The following GLI2 variants were observed in gnomAD, a reference collection of about 807,000 sequenced individuals.
The protein encoded by GLI2 is GLI family zinc finger 2.
A neutral mutation model predicts 78.9 loss-of-function variants in GLI2; 22 were observed. That is an observed-to-expected ratio of 0.28 (90% confidence interval 0.20 to 0.40). The LOEUF is 0.40. Ranked by LOEUF, GLI2 falls within the 10% of genes least tolerant of loss-of-function variation. The pLI is 1.00. For synonymous variants in GLI2, 974 were observed against 963.7 expected, an observed-to-expected ratio of 1.01 and a Z score of -0.20; for missense variants, 2,097 against 2,213.2, an observed-to-expected ratio of 0.95 and a Z score of 1.05.
chr2:120,936,717 G>A (rs909695630), intron 3 of GLI2, among the ~76,000 whole-genome samples: 7 of 152,206 alleles, frequency 4.6e-5, no homozygotes, highest in Admixed American at 3.3e-4. Context: ...GGCCTTTGAG[G>A]TGGGGAGTCC....
chr2:120,799,703 T>C (rs1181673852), intron 2 of GLI2, among the ~76,000 whole-genome samples: 3 of 152,176 alleles, frequency 2.0e-5, no homozygotes, highest in Non-Finnish European at 4.4e-5. Context: ...GTCTTTATGA[T>C]CTTGGAACTT....
At chr2:120,750,342 C>T (rs1682825955) in intron 1 of GLI2, among the ~76,000 whole-genome samples, 1 of 152,258 alleles carries the variant, frequency 6.6e-6, no homozygotes, top group Non-Finnish European at 1.5e-5. Flanking sequence ...CCAGTGCTCC[C>T]CCGAGGGGGA....
intron 2 of GLI2, among the ~76,000 whole-genome samples, chr2:120,847,960 C>G (rs1033785740): frequency 1.3e-5 from 2 of 152,110 alleles, no homozygotes; most frequent in African/African-American, 4.8e-5. Flanking sequence ...CATGGTACTT[C>G]TTGTTTATCT....
chr2:120,848,067 G>T (rs966495570), intron 2 of GLI2, among the ~76,000 whole-genome samples: 5 of 152,232 alleles, frequency 3.3e-5, no homozygotes, highest in African/African-American at 1.2e-4. Context: ...TGGGAAGAGG[G>T]AGAAGGCATG....
At chr2:120,894,455 TCA>T (rs1677840338) in intron 2 of GLI2, among the ~76,000 whole-genome samples, 1 of 152,186 alleles carries the variant, frequency 6.6e-6, no homozygotes, top group African/African-American at 2.4e-5. Flanking sequence ...TCTCCAGTGC[TCA>T]GAGTGCCTGC....
intron 1 of GLI2, among the ~76,000 whole-genome samples, chr2:120,769,044 A>G (rs892582004): frequency 6.6e-6 from 1 of 152,172 alleles, no homozygotes; most frequent in Non-Finnish European, 1.5e-5. Flanking sequence ...TCAGTGATGA[A>G]GACTTGACAA....
chr2:120,781,179 C>A (rs1033140657), intron 1 of GLI2, among the ~76,000 whole-genome samples: 1 of 152,194 alleles, frequency 6.6e-6, no homozygotes, highest in African/African-American at 2.4e-5. Context: ...GCAGTTGCTG[C>A]CTGGCCTGGC....
chr2:120,965,075 A>G (rs1183234306), intron 5 of GLI2, among the ~76,000 whole-genome samples: 2 of 152,274 alleles, frequency 1.3e-5, no homozygotes, highest in Non-Finnish European at 2.9e-5. Context: ...CATTATTTGC[A>G]TAAGAATTCA....
intron 1 of GLI2, among the ~76,000 whole-genome samples, chr2:120,789,811 G>A (rs1219881220): frequency 1.3e-5 from 2 of 152,334 alleles, no homozygotes; most frequent in African/African-American, 2.4e-5. Flanking sequence ...CAGCACTGCC[G>A]TATCTTAGCT....
intron 1 of GLI2, among the ~76,000 whole-genome samples, chr2:120,749,512 G>A (rs1174087129): frequency 6.6e-6 from 1 of 152,204 alleles, no homozygotes; most frequent in Non-Finnish European, 1.5e-5. Context: ...TTGGAAAGTT[G>A]GTGAGATAAG....
chr2:120,982,915 T>C, intron 11 of GLI2, 35 bp downstream of exon 11: 3 of 1,604,882 alleles, frequency 1.9e-6, no homozygotes, highest in Non-Finnish European at 1.7e-6. Flanking sequence ...GCATGCACAC[T>C]GGGGCCCCAC....
chr2:120,927,751 C>T (rs529416187), intron 3 of GLI2, among the ~76,000 whole-genome samples: 1 of 152,306 alleles, frequency 6.6e-6, no homozygotes, highest in South Asian at 2.1e-4. Context: ...CTTTCTTCAT[C>T]CATGAAGTGG....
At chr2:120,802,207 T>A (rs1163241705) in intron 2 of GLI2, among the ~76,000 whole-genome samples, 1 of 152,180 alleles carries the variant, frequency 6.6e-6, no homozygotes, top group Non-Finnish European at 1.5e-5. Context: ...GGGCTGGGTG[T>A]TTCCACTTAG....
intron 5 of GLI2, among the ~76,000 whole-genome samples, chr2:120,967,818 G>A (rs1348271481): frequency 2.0e-5 from 3 of 152,236 alleles, no homozygotes; most frequent in African/African-American, 4.8e-5. Context: ...ACCTCAGTAC[G>A]CAGAAGCACC....
intron 1 of GLI2, among the ~76,000 whole-genome samples, chr2:120,766,186 T>C (rs981793973): frequency 6.6e-6 from 1 of 152,226 alleles, no homozygotes; most frequent in African/African-American, 2.4e-5. Context: ...GCTGACCCTC[T>C]GTGACCTCGC....
intron 6 of GLI2, among the ~76,000 whole-genome samples, chr2:120,969,453 G>T (rs1439398791): frequency 6.6e-6 from 1 of 152,242 alleles, no homozygotes; most frequent in Non-Finnish European, 1.5e-5. Context: ...TCCGGAAGAG[G>T]CCAGGAGGAG....
At chr2:120,968,984 G>T in intron 6 of GLI2, 69 bp downstream of exon 6, 1 of 1,225,380 alleles carries the variant, frequency 8.2e-7, no homozygotes, top group Admixed American at 1.8e-5. Flanking sequence ...GGAGGCGCTG[G>T]CTTTTCAGTG....
rs1339067635 is a variant in GLI2, at chr2:120,924,745, G to A, written c.149-2616G>A. On this transcript the variant is annotated intron_variant, in intron 2 of 13. Coordinates refer to ENST00000361492, the MANE Select transcript of GLI2 (RefSeq NM_001374353.1). Reference sequence around the variant, plus strand: ...GTGCTTGGCCCCCCACCCTCCCTAGGGTTTGCAACCAGTATGAGCCAGTTT... The same window carrying A: ...GTGCTTGGCCCCCCACCCTCCCTAGAGTTTGCAACCAGTATGAGCCAGTTT... 2.6e-5 allele frequency among the ~76,000 whole-genome samples: 4 copies of A among 152,100 alleles called. 1 individual carries two copies. The highest frequency in any genetic ancestry group is 4.1e-4 in the South Asian group (2 of 4,828).
chr2:120,790,631 C>T (rs1684124605), intron 1 of GLI2, among the ~76,000 whole-genome samples: 1 of 152,218 alleles, frequency 6.6e-6, no homozygotes, highest in Non-Finnish European at 1.5e-5. Flanking sequence ...CCCGTCCACA[C>T]TCTGGAAGAC....
Sources: allele counts gnomAD v4.1 joint callset (sites outside exome capture counted in the v4.1 genomes callset), GRCh38; gene constraint gnomAD v4.1.1; transcripts MANE v1.5; gene names NCBI Gene and HGNC (gene_info 2026-07-23, HGNC 2026-07-21).